UNC5A: variants seen among roughly 807,000 people sequenced by gnomAD.
UNC5A encodes unc-5 netrin receptor A, also known as netrin receptor UNC5A.
A neutral mutation model predicts 87.4 loss-of-function variants in UNC5A; 20 were observed. That is an observed-to-expected ratio of 0.23 (90% CI 0.16 to 0.33). The LOEUF (loss-of-function observed/expected upper bound fraction) is 0.33, where lower values mean the gene tolerates loss of function less well. Ranked by LOEUF, UNC5A falls within the 10% of genes least tolerant of loss-of-function variation. The pLI, the probability that UNC5A is intolerant of heterozygous loss-of-function variation, is 1.00. For missense variants in UNC5A, 844 were observed against 1,133.4 expected (o/e 0.74, Z 3.67); for synonymous variants, 438 against 482.3 (o/e 0.91, Z 1.20).
chr5:176,863,420 T>C (rs115728603), intron 2 of UNC5A, among the ~76,000 whole-genome samples: 1 of 152,050 alleles, frequency 6.6e-6, no homozygotes, highest in Non-Finnish European at 1.5e-5. Context: ...CAGAGCGACA[T>C]GGCCAGAGCT....
In UNC5A at chr5:176,841,998, C is replaced by T. The variant is rs1306708496; in HGVS notation, c.71-20626C>T. On this transcript the variant is annotated intron_variant, in intron 1 of 14. Coordinates refer to ENST00000329542, the MANE Select transcript of UNC5A (RefSeq NM_133369.3). This position sits in a 1 kb window ranked among gnomAD's most constrained non-coding sequence, Gnocchi z 4.1. ...GGATCACGAGGTCAGGAGATCGAGACCATCCTGGCTAACATGGTGAAACCC... is the reference window on the plus strand; with the variant it reads ...GGATCACGAGGTCAGGAGATCGAGATCATCCTGGCTAACATGGTGAAACCC... Among the ~76,000 whole-genome samples the T allele has an allele frequency of 1.3e-5, 2 of 152,068 alleles. No individual in the cohort carries two copies. Among genetic ancestry groups the T allele is most frequent in the African/African-American group, 4.8e-5 (2 of 41,400 alleles).
intron 1 of UNC5A, among the ~76,000 whole-genome samples, chr5:176,843,544 A>G (rs539466908): frequency 6.6e-6 from 1 of 152,358 alleles, no homozygotes; most frequent in East Asian, 1.9e-4. Context: ...CAAATTCATC[A>G]GGCTGTAGAT....
At chr5:176,876,819 G>A (rs1758272550) in intron 8 of UNC5A, among the ~76,000 whole-genome samples, 1 of 152,224 alleles carries the variant, frequency 6.6e-6, no homozygotes, top group African/African-American at 2.4e-5. Flanking sequence ...GCCCTTCAAT[G>A]CCAGGCCAGG....
At chr5:176,879,625 G>T in intron 14 of UNC5A, 96 bp from the exon 15 acceptor site, 1 of 1,556,814 alleles carries the variant, frequency 6.4e-7, no homozygotes, top group Non-Finnish European at 8.7e-7. Context: ...ATTGTGTTTG[G>T]CTTCGGGGAG....
At chr5:176,839,824 T>C (rs2113619291) in intron 1 of UNC5A, among the ~76,000 whole-genome samples, 1 of 145,924 alleles carries the variant, frequency 6.9e-6, no homozygotes, top group African/African-American at 2.5e-5. Context: ...TTTTTTTTTT[T>C]TTTTTTTTTC....
chr5:176,875,600 A>G lies in UNC5A; in HGVS notation c.1378+1034A>G, dbSNP rs1333455101. On this transcript the variant is annotated intron_variant, in intron 8 of 14. Transcript: ENST00000329542. This position sits in a 1 kb window ranked among gnomAD's most constrained non-coding sequence, Gnocchi z 5.2. ...ACCTGGTTCCTTGCTGTAAAACTTCACCAAATGAAGCCAGAGTTGATCATG... is the reference window on the plus strand; with the variant it reads ...ACCTGGTTCCTTGCTGTAAAACTTCGCCAAATGAAGCCAGAGTTGATCATG... Among the ~76,000 whole-genome samples, 1 of 151,882 alleles carries G rather than the reference A, an allele frequency of 6.6e-6. No homozygotes were observed. The highest frequency in any genetic ancestry group is 1.5e-5 in the Non-Finnish European group (1 of 67,994).
At position 176,865,756 on chromosome 5, in the gene UNC5A, A is replaced by G. The variant is rs1757960150; in HGVS notation, c.293-2374A>G. ...GGCTCGGAGGCCCACCCAGCTCTGC[A>G]GCCCACTCATTCATGTGTGGGGCTG... On this transcript the variant is annotated intron_variant, in intron 2 of 14. Coordinates refer to ENST00000329542, the MANE Select transcript of UNC5A (RefSeq NM_133369.3). This position sits in a 1 kb window ranked among gnomAD's most constrained non-coding sequence, Gnocchi z 5.3. The G allele has an allele frequency of 2.2e-6, 1 of 446,236 alleles. No individual in the cohort carries two copies. Among genetic ancestry groups the G allele is most frequent in the Non-Finnish European group, 4.5e-6 (1 of 220,982 alleles). The allele number at this position is 446,236 out of a possible 1,614,324, so 27.6% of individuals were successfully genotyped here. A position where few individuals can be genotyped will look rare whatever the true frequency, so the allele number is the denominator to read the frequency against.
intron 1 of UNC5A, among the ~76,000 whole-genome samples, chr5:176,840,986 C>T (rs746198114): frequency 6.6e-6 from 1 of 152,148 alleles, no homozygotes. Context: ...CAAAGGTTTC[C>T]CCACTGGAAA....
At chr5:176,818,582 CA>C (rs762181358) in intron 1 of UNC5A, among the ~76,000 whole-genome samples, 37 of 152,326 alleles carry the variant, frequency 2.4e-4, no homozygotes, top group Middle Eastern at 6.8e-3. Context: ...GGACACATAT[CA>C]GGGGAGGTCA....
At chr5:176,870,702 C>G (rs1758088840) in intron 6 of UNC5A, 168 bp downstream of exon 6, 1 of 747,990 alleles carries the variant, frequency 1.3e-6, no homozygotes, top group African/African-American at 1.8e-5. Flanking sequence ...CACATGGGCC[C>G]AGGCGCGCCC....
At chr5:176,851,939 G>T (rs894248366) in intron 1 of UNC5A, among the ~76,000 whole-genome samples, 2 of 152,190 alleles carry the variant, frequency 1.3e-5, no homozygotes, top group Admixed American at 6.5e-5. Flanking sequence ...ATCTGCCCCG[G>T]CTCTGCCATG....
chr5:176,841,837 A>G lies in UNC5A; in HGVS notation c.71-20787A>G, dbSNP rs1324934044. Among the ~76,000 whole-genome samples the G allele has an allele frequency of 1.3e-5, 2 of 152,232 alleles. No homozygotes were observed. Among genetic ancestry groups the G allele is most frequent in the African/African-American group, 4.8e-5 (2 of 41,464 alleles). ...CATGAAAAAAGGCTCGACATCACTA[A>G]TGATCAGGGAAATGCAAGTCAAAAC... On this transcript the variant is annotated intron_variant, in intron 1 of 14. Coordinates refer to ENST00000329542, the MANE Select transcript of UNC5A (RefSeq NM_133369.3). This position sits in a 1 kb window ranked among gnomAD's most constrained non-coding sequence, Gnocchi z 4.1.
Position 176,844,974 on chromosome 5 carries a change from G to A in UNC5A, c.71-17650G>A, listed in dbSNP as rs1220795812. 1.3e-5 allele frequency among the ~76,000 whole-genome samples: 2 copies of A among 152,180 alleles called. No individual in the cohort carries two copies. Among genetic ancestry groups the A allele is most frequent in the African/African-American group, 4.8e-5 (2 of 41,436 alleles). On this transcript the variant is annotated intron_variant, in intron 1 of 14. Coordinates refer to ENST00000329542, the MANE Select transcript of UNC5A (RefSeq NM_133369.3). This position sits in a 1 kb window ranked among gnomAD's most constrained non-coding sequence, Gnocchi z 4.2. The stretch of plus-strand genomic sequence containing the variant: ...AGCCCCACCTTATCAGAGGGCGGTG[G>A]TCTTGCCCTCCCCTGAGAGTGAGCA...
In UNC5A at chr5:176,824,736, T is replaced by C. The variant is rs1412943097; in HGVS notation, c.70+13916T>C. On this transcript the variant is annotated intron_variant, in intron 1 of 14. Coordinates refer to ENST00000329542, the MANE Select transcript of UNC5A (RefSeq NM_133369.3). This position sits in a 1 kb window ranked among gnomAD's most constrained non-coding sequence, Gnocchi z 4.2. Reference sequence around the variant, plus strand: ...CTACTGCTAGGTGCCTCCATGCCCATGCACCCCCAGTGCCTGTGCACTCCC... The same window carrying C: ...CTACTGCTAGGTGCCTCCATGCCCACGCACCCCCAGTGCCTGTGCACTCCC... Among the ~76,000 whole-genome samples, 1 of 150,278 alleles carries C rather than the reference T, an allele frequency of 6.7e-6. No homozygotes were observed. The highest frequency in any genetic ancestry group is 2.0e-4 in the East Asian group (1 of 5,116).
At chr5:176,830,183 C>T (rs1435060969) in intron 1 of UNC5A, among the ~76,000 whole-genome samples, 1 of 152,206 alleles carries the variant, frequency 6.6e-6, no homozygotes, top group Non-Finnish European at 1.5e-5. Flanking sequence ...GGCCTTCAGA[C>T]AGACCACCTC....
chr5:176,829,087 G>A (rs1165802312), intron 1 of UNC5A, among the ~76,000 whole-genome samples: 8 of 150,100 alleles, frequency 5.3e-5, no homozygotes, highest in South Asian at 2.1e-4. Context: ...AGCGGAGATC[G>A]CGCTGCTGCA....
chr5:176,851,870 G>A (rs920686597), intron 1 of UNC5A, among the ~76,000 whole-genome samples: 4 of 152,204 alleles, frequency 2.6e-5, no homozygotes, highest in African/African-American at 9.7e-5. Flanking sequence ...ATGGAAATGG[G>A]GAGGGTGCCC....
In UNC5A at chr5:176,880,478, C is replaced by T. The variant is rs1352694902; in HGVS notation, c.*592C>T. 1.3e-5 allele frequency: 2 copies of T among 154,244 alleles called. No homozygotes were observed. The highest frequency in any genetic ancestry group is 2.4e-5 in the African/African-American group (1 of 41,450). The allele number at this position is 154,244 out of a possible 1,614,324, so 9.6% of individuals were successfully genotyped here. A position where few individuals can be genotyped will look rare whatever the true frequency, so the allele number is the denominator to read the frequency against. ...ACCCCCCTCCCGGGTCACGCAGACA[C>T]CCCCCAACCACACACATCTCATGCT... On this transcript the variant is annotated 3_prime_UTR_variant, in exon 15 of 15. Transcript: ENST00000329542.
At chr5:176,861,855 G>A (rs1466818279) in intron 1 of UNC5A, among the ~76,000 whole-genome samples, 2 of 152,200 alleles carry the variant, frequency 1.3e-5, no homozygotes, top group Non-Finnish European at 2.9e-5. Flanking sequence ...GGGCAGCTGG[G>A]GGTTGTGGGA....
Sources: gnomAD v4.1 joint callset for allele counts (sites outside exome capture counted in the v4.1 genomes callset) on GRCh38, gnomAD v4.1.1 for gene constraint, Gnocchi (gnomAD v3.1) non-coding constraint, MANE v1.5 for transcripts, NCBI Gene and HGNC (gene_info 2026-07-23, HGNC 2026-07-21) for gene names.